The following TUSC3 variants were observed in gnomAD, a reference collection of about 807,000 sequenced individuals.
The protein encoded by TUSC3 is dolichyl-diphosphooligosaccharide--protein glycosyltransferase subunit TUSC3.
Under a neutral mutation model 44.8 loss-of-function variants are expected in TUSC3, and 45 were observed. That is an observed-to-expected ratio of 1.00 (90% CI 0.79 to 1.29). The LOEUF is 1.29. Among genes scored for constraint, TUSC3 ranks in the 50% most tolerant of loss-of-function variants. TUSC3 has a pLI of 0.00. For synonymous variants in TUSC3, 212 were observed against 152.9 expected, an observed-to-expected ratio of 1.39 and a Z score of -2.85; for missense variants, 519 against 437.9, an observed-to-expected ratio of 1.19 and a Z score of -1.65.
At chr8:15,581,257 G>T (rs1237336829) in intron 1 of TUSC3, among the ~76,000 whole-genome samples, 2 of 139,434 alleles carry the variant, frequency 1.4e-5, no homozygotes, top group Admixed American at 7.1e-5. Context: ...TTTGCCTTTG[G>T]TTTGAATGTC....
At chr8:15,738,827 C>CTTTTTTGTTTT (rs1811047964) in intron 7 of TUSC3, among the ~76,000 whole-genome samples, 10 of 87,204 alleles carry the variant, frequency 1.1e-4, no homozygotes, top group South Asian at 7.6e-4. Flanking sequence ...ATATATCTTG[C>CTTTTTTGTTTT]TTTTTTTTTT....
At chr8:15,659,682 C>G in intron 4 of TUSC3, 35 bp downstream of exon 4, 2 of 1,608,450 alleles carry the variant, frequency 1.2e-6, no homozygotes, top group Non-Finnish European at 1.7e-6. Flanking sequence ...TAATAATAGG[C>G]TGGTTAGTTT....
the TUSC3 span, among the ~76,000 whole-genome samples, chr8:15,778,502 T>G: frequency 1.3e-5 from 2 of 152,220 alleles, no homozygotes; most frequent in Non-Finnish European, 2.9e-5. Flanking sequence ...ATCTTTTCTC[T>G]TTTAGCTGCT....
chr8:15,560,523 T>G (rs1232357279), intron 1 of TUSC3, among the ~76,000 whole-genome samples: 1 of 150,748 alleles, frequency 6.6e-6, no homozygotes, highest in Non-Finnish European at 1.5e-5. Context: ...TGGCATTCTC[T>G]GTGTTTCCTG....
chr8:15,421,281 G>T (rs943712637), intron 1 of TUSC3, among the ~76,000 whole-genome samples: 2 of 151,972 alleles, frequency 1.3e-5, no homozygotes, highest in South Asian at 2.1e-4. Context: ...GGCCTACCAG[G>T]CCCTATCACA....
downstream of TUSC3, among the ~76,000 whole-genome samples, chr8:15,767,763 G>C (rs1451145543): frequency 6.6e-6 from 1 of 152,126 alleles, no homozygotes; most frequent in Non-Finnish European, 1.5e-5. Flanking sequence ...AGGTGAAAAA[G>C]TAGCTGTGCT....
chr8:15,626,605 T>C (rs1585167656), intron 2 of TUSC3, among the ~76,000 whole-genome samples: 1 of 152,268 alleles, frequency 6.6e-6, no homozygotes, highest in African/African-American at 2.4e-5. Context: ...GCACTCTCAG[T>C]GGCCCAGGAA....
chr8:15,504,307 T>C (rs1400084239), intron 2 of TUSC3, among the ~76,000 whole-genome samples: 1 of 151,966 alleles, frequency 6.6e-6, no homozygotes, highest in Non-Finnish European at 1.5e-5. Flanking sequence ...GTTTAACTTA[T>C]TGACATAGAC....
At position 15,445,318 on chromosome 8, in the gene TUSC3, T is replaced by C. The variant is rs560794673; in HGVS notation, n.91+28013T>C. On this transcript the variant is annotated intron_variant and non_coding_transcript_variant, in intron 1 of 5. Coordinates refer to the TUSC3 transcript ENST00000503191. Reference sequence around the variant, plus strand: ...AACTGATCTATCCCAGGATTTTATTTTTTTTTTTTTTAGTATTTATTGATC... The same window carrying C: ...AACTGATCTATCCCAGGATTTTATTCTTTTTTTTTTTAGTATTTATTGATC... 8.5e-5 allele frequency among the ~76,000 whole-genome samples: 13 copies of C among 152,094 alleles called. No individual in the cohort carries two copies. In the East Asian group the frequency reaches 2.5e-3, roughly 29 times the overall value.
chr8:15,561,955 C>T (rs1802489779), intron 1 of TUSC3, among the ~76,000 whole-genome samples: 1 of 152,312 alleles, frequency 6.6e-6, no homozygotes, highest in Middle Eastern at 3.4e-3. Flanking sequence ...ATGCAGAAAT[C>T]ACCATCTTCT....
At chr8:15,668,239 G>A (rs1162038909) in intron 5 of TUSC3, among the ~76,000 whole-genome samples, 1 of 151,750 alleles carries the variant, frequency 6.6e-6, no homozygotes, top group Non-Finnish European at 1.5e-5. Flanking sequence ...GACATTTTAA[G>A]ACATGGTTGT....
chr8:15,420,050 T>C (rs543423825), intron 1 of TUSC3, among the ~76,000 whole-genome samples: 10 of 152,284 alleles, frequency 6.6e-5, no homozygotes, highest in African/African-American at 2.4e-4. Context: ...AGGAAATAAA[T>C]ATATTATTTT....
chr8:15,805,609 C>G, the TUSC3 span, among the ~76,000 whole-genome samples: 3 of 152,060 alleles, frequency 2.0e-5, no homozygotes, highest in Non-Finnish European at 2.9e-5. Flanking sequence ...GTTTTCAGTT[C>G]TGTTTATGTG....
At chr8:15,648,221 T>A (rs1806715580) in intron 2 of TUSC3, among the ~76,000 whole-genome samples, 1 of 152,208 alleles carries the variant, frequency 6.6e-6, no homozygotes, top group Non-Finnish European at 1.5e-5. Context: ...CATTGGTGTT[T>A]TATTTGGGCA....
the TUSC3 span, among the ~76,000 whole-genome samples, chr8:15,848,173 A>G: frequency 6.6e-6 from 1 of 152,084 alleles, no homozygotes; most frequent in Admixed American, 6.6e-5. Context: ...AACCACAAGC[A>G]TGCAACTTAC....
At chr8:15,596,937 G>A (rs927150260) in intron 1 of TUSC3, among the ~76,000 whole-genome samples, 3 of 152,118 alleles carry the variant, frequency 2.0e-5, no homozygotes, top group African/African-American at 4.8e-5. Context: ...CTGTGTAGCA[G>A]GTGACAAGGT....
intron 6 of TUSC3, among the ~76,000 whole-genome samples, chr8:15,675,677 T>C (rs993324099): frequency 3.3e-5 from 5 of 152,148 alleles, no homozygotes; most frequent in African/African-American, 7.2e-5. Flanking sequence ...CTCCTACTTA[T>C]AAGAACGTGC....
intron 8 of TUSC3, among the ~76,000 whole-genome samples, chr8:15,746,749 G>GGAGAT (rs892459374): frequency 6.6e-6 from 1 of 151,994 alleles, no homozygotes; most frequent in African/African-American, 2.4e-5. Flanking sequence ...AAATAAAAAA[G>GGAGAT]GAGATGGAAG....
rs1411682260 is a variant in TUSC3 at position 15,745,036 on chromosome 8, G to A, written c.937+1424G>A. On this transcript the variant is annotated intron_variant, in intron 8 of 10. Coordinates refer to ENST00000503731, the MANE Select transcript of TUSC3 (RefSeq NM_006765.4). ...AGCTCCCACTTACAAGTGAGAACAT[G>A]AGGTATTTGGTTTTCTGTTTCTGTG... Among the ~76,000 whole-genome samples, 7 of 152,110 alleles carry A rather than the reference G, an allele frequency of 4.6e-5. No individual in the cohort carries two copies. In the East Asian group the frequency reaches 1.3e-3, roughly 29 times the overall value.
Sources: gnomAD v4.1 joint callset for allele counts (sites outside exome capture counted in the v4.1 genomes callset) on GRCh38, gnomAD v4.1.1 for gene constraint, MANE v1.5 for transcripts, NCBI Gene and HGNC (gene_info 2026-07-23, HGNC 2026-07-21) for gene names.